Variants in EIF2B4 observed in about 807,000 individuals in gnomAD.
EIF2B4 encodes eukaryotic translation initiation factor 2B subunit delta, also known as translation initiation factor eIF2B subunit delta.
A neutral mutation model predicts 66.7 loss-of-function variants in EIF2B4; 34 were observed. The ratio of observed to expected loss-of-function variants is 0.51; its 90% CI spans 0.39 to 0.68. The LOEUF (loss-of-function observed/expected upper bound fraction) is 0.68. Ranked by LOEUF, EIF2B4 falls within the 30% of genes least tolerant of loss-of-function variation. The probability of loss-of-function intolerance (pLI) is 0.00; values close to 1 mark genes in which losing one functional copy is unlikely to be tolerated. For synonymous variants in EIF2B4, 278 were observed against 253.6 expected (o/e 1.10, Z -0.92); for missense variants, 618 against 657.9 (o/e 0.94, Z 0.66).
At chr2:27,368,160 C>T (rs1430210170) in intron 6 of EIF2B4, 21 bp from the exon 7 acceptor site, 6 of 1,560,914 alleles carry the variant, frequency 3.8e-6, no homozygotes, top group Non-Finnish European at 4.4e-6. Context: ...GGCGGTGTCA[C>T]ATACTTTGAA....
At chr2:27,365,628 G>C (rs996513387) in intron 11 of EIF2B4, 1 of 151,976 alleles carries the variant, frequency 6.6e-6, no homozygotes, top group South Asian at 2.1e-4. Context: ...TGCCCTCCTC[G>C]GCCTCCCAAA....
intron 11 of EIF2B4, 134 bp from the exon 12 acceptor site, chr2:27,365,032 A>G: frequency 1.1e-6 from 1 of 893,532 alleles, no homozygotes; most frequent in South Asian, 1.5e-5. Flanking sequence ...GAAAGAAACA[A>G]AAACAGACAA....
In EIF2B4 at chr2:27,370,079, G is replaced by A. The variant is rs1682279853; in HGVS notation, c.32-160C>T. 11 of 1,505,414 alleles carry A rather than the reference G, an allele frequency of 7.3e-6. No individual in the cohort carries two copies. In the East Asian group the frequency reaches 9.9e-5, roughly 14 times the overall value. The allele number at this position is 1,505,414 out of a possible 1,614,324, so 93.3% of individuals were successfully genotyped here. On this transcript the variant is annotated intron_variant, in intron 1 of 12. Transcript: ENST00000347454. ...CCGCGTGGGGACGCACTGCGCGGCG[G>A]ATCAAAGGAATGGAGGGGTCACCGA...
chr2:27,365,377 CTT>C (rs372524722), intron 11 of EIF2B4, among the ~76,000 whole-genome samples: 14 of 119,670 alleles, frequency 1.2e-4, no homozygotes, highest in Admixed American at 2.7e-4. Flanking sequence ...TTAATAAATC[CTT>C]TTTTTTTTTT....
rs746628836 is a variant in EIF2B4 at position 27,366,900 on chromosome 2, C to A, written c.1050G>T (p.Trp350Cys). Reference sequence around the variant, plus strand: ...CCACCCGAAACCGCCGGCCCTCTGTCCAAGCCTCCTGAAGAATTCGTGATA... The same window carrying A: ...CCACCCGAAACCGCCGGCCCTCTGTACAAGCCTCCTGAAGAATTCGTGATA... The part of the protein sequence containing the change: ...SLVSRILQEA[W>C]TEGRRFRVVV... The change falls in exon 11 of 13, where the codon TGG becomes TGT. Residue 350 changes from tryptophan (W) to cysteine (C), a missense_variant. Physicochemically the swap from Trp to Cys is radical, Grantham distance 215. This residue lies in a region of EIF2B4 where 506 missense variants were observed against 511.9 expected (regional missense o/e 0.99). Coordinates refer to ENST00000347454, the MANE Select transcript of EIF2B4 (RefSeq NM_001034116.2). 1.2e-6 allele frequency: 2 copies of A among 1,614,164 alleles called. No individual in the cohort carries two copies. Among genetic ancestry groups the A allele is most frequent in the South Asian group, 1.1e-5 (1 of 91,082 alleles).
At chr2:27,364,661 T>C (rs1681711379) in intron 12 of EIF2B4, 57 bp downstream of exon 12, 4 of 1,613,932 alleles carry the variant, frequency 2.5e-6, no homozygotes, top group Admixed American at 1.7e-5. Context: ...TATCCGCCCC[T>C]CTCCCTCCCT....
intron 6 of EIF2B4, 96 bp downstream of exon 6, chr2:27,368,276 T>C: frequency 7.4e-7 from 1 of 1,356,116 alleles, no homozygotes; most frequent in Non-Finnish European, 1.0e-6. Context: ...TCATACTTTT[T>C]CCTACAGAGT....
intron 11 of EIF2B4, chr2:27,365,112 A>G: frequency 1.9e-6 from 1 of 521,766 alleles, no homozygotes; most frequent in East Asian, 3.8e-5. Context: ...GCTGGAGTGC[A>G]ATGGCGCGAT....
intron 12 of EIF2B4, 48 bp downstream of exon 12, chr2:27,364,670 C>G: frequency 6.2e-7 from 1 of 1,614,166 alleles, no homozygotes; most frequent in Non-Finnish European, 8.5e-7. Flanking sequence ...CTCTCCCTCC[C>G]TCTCAAGTCT....
chr2:27,364,876 G>A lies in EIF2B4; in HGVS notation c.1214C>T (p.Ala405Val). 6.2e-7 allele frequency: 1 copy of A among 1,614,120 alleles called. No homozygotes were observed. The highest frequency in any genetic ancestry group is 8.5e-7 in the Non-Finnish European group (1 of 1,180,010). The change falls in exon 12 of 13, where the codon GCT (alanine) becomes GTT (valine). Residue 405 changes from alanine (A) to valine (V), a missense_variant. Physicochemically the swap from Ala to Val is moderately conservative, Grantham distance 64. Transcript: ENST00000347454. ...AGACCCGTTGGCCAAGAGTGCATGA[G>A]CTCCCAATAGCACCTTGGAAACCTG... is the stretch of plus-strand genomic sequence containing the variant. ...LPEVSKVLLG[A>V]HALLANGSVM...
At chr2:27,365,376 CCTT>C (rs1379159450) in intron 11 of EIF2B4, among the ~76,000 whole-genome samples, 1 of 129,600 alleles carries the variant, frequency 7.7e-6, no homozygotes, top group East Asian at 2.0e-4. Flanking sequence ...ATTAATAAAT[CCTT>C]TTTTTTTTTT....
At position 27,364,513 on chromosome 2, in the gene EIF2B4, G is replaced by C; in HGVS notation, c.1459C>G (p.Leu487Val). 6.2e-7 allele frequency: 1 copy of C among 1,614,210 alleles called. No homozygotes were observed. The highest frequency in any genetic ancestry group is 8.5e-7 in the Non-Finnish European group (1 of 1,180,044). Residue 487 changes from leucine (L) to valine (V), a missense_variant, in exon 13 of 13, where the codon CTA (leucine) becomes GTA (valine). Leu to Val is a conservative substitution (Grantham distance 32). Coordinates refer to ENST00000347454, the MANE Select transcript of EIF2B4 (RefSeq NM_001034116.2). ...TCTGGGGGAGTCACATCATAGACTA[G>C]ATTCAACAACCGTAGGGATGCGTGG... ...QNHASLRLLN[L>V]VYDVTPPELV...
In EIF2B4 at chr2:27,364,467, G is replaced by A. The variant is rs749942048; in HGVS notation, c.1505C>T (p.Thr502Met). ...ACTGCAAGGGATCATCCCCAGCTCC[G>A]TGATCACCAGATCCACAAGCTCTGG... ...TPPELVDLVI[T>M]ELGMIPCSSV... Residue 502 changes from threonine to methionine, a missense_variant, in exon 13 of 13, where the codon ACG (threonine) becomes ATG (methionine). Transcript: ENST00000347454. 67 of 1,614,128 alleles carry A rather than the reference G, an allele frequency of 4.2e-5. No homozygotes were observed. The highest frequency in any genetic ancestry group is 5.3e-5 in the Non-Finnish European group (63 of 1,180,028).
intron 8 of EIF2B4, 59 bp downstream of exon 8, chr2:27,367,687 A>G: frequency 6.3e-7 from 1 of 1,590,032 alleles, no homozygotes. Flanking sequence ...AAAAGCAGGA[A>G]AAAGAGTACA....
In EIF2B4 at chr2:27,370,319, C is replaced by T; in HGVS notation, c.-5G>A. ...AGCCACGGCCACAGCAGCCATCGCC[C>T]TCAGTCCTAGGCTCCGCCCGCCGTG... On this transcript the variant is annotated 5_prime_UTR_variant, in exon 1 of 13. Transcript: ENST00000347454. The T allele has an allele frequency of 6.5e-7, 1 of 1,542,812 alleles. No individual in the cohort carries two copies. Among genetic ancestry groups the T allele is most frequent in the Non-Finnish European group, 8.7e-7 (1 of 1,146,960 alleles).
chr2:27,369,360 ACATCCCT>A, intron 3 of EIF2B4, 47 bp downstream of exon 3: 12 of 1,612,530 alleles, frequency 7.4e-6, no homozygotes, highest in Middle Eastern at 1.9e-4. Context: ...CTCTCCCACC[ACATCCCT>A]CTACCAGCTC....
intron 6 of EIF2B4, 95 bp downstream of exon 6, chr2:27,368,276 TC>T: frequency 7.4e-7 from 1 of 1,356,116 alleles, no homozygotes. Context: ...TCATACTTTT[TC>T]CTACAGAGTC....
At position 27,368,720 on chromosome 2, in the gene EIF2B4, G is replaced by T. The variant is rs1472866549; in HGVS notation, c.432C>A (p.Leu144=). ...AGETPSGVKR[L]PEYPQVDDLL... is the part of the protein sequence containing the mutation. ...GGTCATCAACCTGAGGGTACTCAGGGAGACGCTTCACTCCTGAAAGATAAT... is the reference window on the plus strand; with the variant it reads ...GGTCATCAACCTGAGGGTACTCAGGTAGACGCTTCACTCCTGAAAGATAAT... The change falls in exon 5 of 13, where the codon CTC becomes CTA. Residue 144 remains leucine, a synonymous_variant. Coordinates refer to ENST00000347454, the MANE Select transcript of EIF2B4 (RefSeq NM_001034116.2). 4.3e-6 allele frequency: 7 copies of T among 1,613,970 alleles called. No individual in the cohort carries two copies. Among genetic ancestry groups the T allele is most frequent in the Admixed American group, 3.3e-5 (2 of 60,000 alleles).
intron 11 of EIF2B4, 123 bp downstream of exon 11, chr2:27,366,636 G>T: frequency 8.6e-7 from 1 of 1,166,426 alleles, no homozygotes; most frequent in Non-Finnish European, 1.3e-6. Context: ...CTGTGATCAC[G>T]TCGCTGCACT....
Sources: allele counts gnomAD v4.1 joint callset (sites outside exome capture counted in the v4.1 genomes callset), GRCh38; gene constraint gnomAD v4.1.1; regional missense constraint gnomAD v4.1.1; transcripts MANE v1.5; gene names NCBI Gene and HGNC (gene_info 2026-07-23, HGNC 2026-07-21).